The following LRRC40 variants were observed in gnomAD, a reference collection of about 807,000 sequenced individuals.
LRRC40 encodes leucine rich repeat containing 40, also known as leucine-rich repeat-containing protein 40.
LRRC40 carries 76 observed loss-of-function variants against 72.8 expected under a neutral mutation model. That is an observed-to-expected ratio of 1.04 (90% CI 0.87 to 1.26). The LOEUF (loss-of-function observed/expected upper bound fraction) is 1.26, where lower values mean the gene tolerates loss of function less well. Among genes scored for constraint, LRRC40 ranks in the 50% most tolerant of loss-of-function variants. The pLI, the probability that LRRC40 is intolerant of heterozygous loss-of-function variation, is 0.00. For synonymous variants in LRRC40, 243 were observed against 254.2 expected, an observed-to-expected ratio of 0.96 and a Z score of 0.42; for missense variants, 684 against 698.9, an observed-to-expected ratio of 0.98 and a Z score of 0.24.
chr1:70,164,309 G>C (rs1667831038), intron 9 of LRRC40, among the ~76,000 whole-genome samples: 1 of 152,012 alleles, frequency 6.6e-6, no homozygotes, highest in Non-Finnish European at 1.5e-5. Flanking sequence ...AGAATCACTT[G>C]AACCCAGGAG....
At chr1:70,169,040 T>TGAG (rs1372781605) in intron 9 of LRRC40, among the ~76,000 whole-genome samples, 1 of 152,122 alleles carries the variant, frequency 6.6e-6, no homozygotes, top group Non-Finnish European at 1.5e-5. Flanking sequence ...GGAGTCCTGA[T>TGAG]GAGATAAGTA....
chr1:70,160,988 CAG>C (rs756603870), intron 9 of LRRC40, among the ~76,000 whole-genome samples: 8 of 150,354 alleles, frequency 5.3e-5, no homozygotes, highest in Middle Eastern at 3.4e-3. Flanking sequence ...TATAGGTTTC[CAG>C]AGAGAGAGAA....
intron 7 of LRRC40, 49 bp from the exon 8 acceptor site, chr1:70,173,758 C>T: frequency 1.1e-6 from 1 of 891,060 alleles, no homozygotes; most frequent in Non-Finnish European, 1.7e-6. Flanking sequence ...TATAAGTATA[C>T]TCCAACCATA....
At chr1:70,195,131 A>C (rs1366850906) in intron 1 of LRRC40, among the ~76,000 whole-genome samples, 10 of 152,096 alleles carry the variant, frequency 6.6e-5, no homozygotes, top group Non-Finnish European at 1.0e-4. Context: ...CAGAGGAAAA[A>C]ATTTTCACAG....
chr1:70,151,479 T>C (rs1204263182), intron 12 of LRRC40, among the ~76,000 whole-genome samples: 3 of 152,142 alleles, frequency 2.0e-5, no homozygotes, highest in Non-Finnish European at 4.4e-5. Flanking sequence ...GTAAACACTG[T>C]AAACTAATTA....
chr1:70,149,982 G>A (rs1226102465), intron 13 of LRRC40, among the ~76,000 whole-genome samples: 13 of 151,992 alleles, frequency 8.6e-5, no homozygotes, highest in Admixed American at 6.6e-5. Flanking sequence ...GTGCAGTGAC[G>A]CAATCCTGGA....
chr1:70,175,835 C>T lies in LRRC40; in HGVS notation c.952G>A (p.Asp318Asn), dbSNP rs781770071. The change falls in exon 7 of 15, where the codon GAC becomes AAC. Residue 318 changes from aspartate to asparagine, a missense_variant. Asp to Asn is a conservative substitution (Grantham distance 23). Transcript: ENST00000370952. The part of the protein sequence containing the change: ...IILLRSLERL[D>N]LSNNDISSLP... ...CTACTAATATCATTGTTGCTTAGGTCAAGCCTTTCCAAGGACCGTAGTAGT... is the reference window on the plus strand; with the variant it reads ...CTACTAATATCATTGTTGCTTAGGTTAAGCCTTTCCAAGGACCGTAGTAGT... The T allele has an allele frequency of 6.3e-6, 10 of 1,575,770 alleles. No individual in the cohort carries two copies. In the South Asian group the frequency reaches 1.1e-4, roughly 17 times the overall value.
At chr1:70,160,754 A>G (rs1341570494) in intron 9 of LRRC40, among the ~76,000 whole-genome samples, 2 of 152,116 alleles carry the variant, frequency 1.3e-5, no homozygotes, top group African/African-American at 4.8e-5. Flanking sequence ...TGGGGAGAAG[A>G]CTGTTGCGAG....
chr1:70,159,564 A>T, intron 9 of LRRC40, 126 bp from the exon 10 acceptor site: 1 of 438,996 alleles, frequency 2.3e-6, no homozygotes, highest in Non-Finnish European at 4.2e-6. Context: ...CTTTAGTCAT[A>T]TGCTTTATTT....
At chr1:70,157,856 C>T (rs1243019079) in intron 10 of LRRC40, among the ~76,000 whole-genome samples, 2 of 152,014 alleles carry the variant, frequency 1.3e-5, no homozygotes, top group Non-Finnish European at 2.9e-5. Context: ...GTAATCCCAG[C>T]ACTTTGAGAA....
chr1:70,150,986 T>C, intron 13 of LRRC40, 142 bp downstream of exon 13: 1 of 524,390 alleles, frequency 1.9e-6, no homozygotes, highest in Non-Finnish European at 3.4e-6. Flanking sequence ...TTTTTAACTC[T>C]AAGAAGAACT....
chr1:70,169,559 C>T (rs1667958263), intron 9 of LRRC40, among the ~76,000 whole-genome samples: 1 of 151,538 alleles, frequency 6.6e-6, no homozygotes, highest in African/African-American at 2.4e-5. Flanking sequence ...CTAGTGTGGC[C>T]TAGAAAAAAA....
At chr1:70,157,300 A>AT (rs752691230) in intron 10 of LRRC40, among the ~76,000 whole-genome samples, 5 of 152,304 alleles carry the variant, frequency 3.3e-5, no homozygotes, top group Admixed American at 6.5e-5. Flanking sequence ...GAACTGACTC[A>AT]TGCTAGTCAG....
chr1:70,196,387 T>C (rs1037533618), intron 1 of LRRC40, among the ~76,000 whole-genome samples: 5 of 151,830 alleles, frequency 3.3e-5, no homozygotes, highest in Admixed American at 6.6e-5. Context: ...TCGTCTCTAT[T>C]AAAAACAAAA....
chr1:70,183,526 C>T (rs1253732402), intron 4 of LRRC40, among the ~76,000 whole-genome samples: 1 of 151,224 alleles, frequency 6.6e-6, no homozygotes, highest in Non-Finnish European at 1.5e-5. Flanking sequence ...CTCTTTCTTT[C>T]TTCCTTTCTC....
At chr1:70,181,004 G>A (rs556220002) in intron 5 of LRRC40, 82 bp downstream of exon 5, 2 of 1,038,410 alleles carry the variant, frequency 1.9e-6, no homozygotes, top group Admixed American at 3.3e-5. Flanking sequence ...TTAGTTCTCT[G>A]TAACTATATT....
chr1:70,145,842 T>C lies in LRRC40; in HGVS notation c.1767A>G (p.Thr589=). Residue 589 remains threonine, a synonymous_variant, in exon 15 of 15, where the codon ACA becomes ACG. Coordinates refer to ENST00000370952, the MANE Select transcript of LRRC40 (RefSeq NM_017768.5). ...CTCTCAAATATTCAAGTATAGCAGC[T>C]GTTCCTTTCATTAATATGGCTGCTC... The part of the protein sequence containing the change: ...VPRAAILMKG[T]AAILEYLRDR... 3.1e-6 allele frequency: 5 copies of C among 1,610,804 alleles called. No homozygotes were observed. The highest frequency in any genetic ancestry group is 4.2e-6 in the Non-Finnish European group (5 of 1,177,352).
Position 70,191,957 on chromosome 1 carries a change from T to C in LRRC40, c.152-2684A>G, listed in dbSNP as rs1408848781. On this transcript the variant is annotated intron_variant, in intron 1 of 14. Transcript: ENST00000370952. ...AATTGCCTTGGCTCTTTGGACTCTTTTTTGGTTCCACATGAATTTTAAAAT... is the reference window on the plus strand; with the variant it reads ...AATTGCCTTGGCTCTTTGGACTCTTCTTTGGTTCCACATGAATTTTAAAAT... 2.0e-5 allele frequency among the ~76,000 whole-genome samples: 3 copies of C among 152,304 alleles called. No homozygotes were observed. The East Asian group carries it at 5.8e-4, about 29-fold the overall frequency.
chr1:70,149,972 G>A (rs1246207418), intron 13 of LRRC40, among the ~76,000 whole-genome samples: 1 of 152,044 alleles, frequency 6.6e-6, no homozygotes, highest in African/African-American at 2.4e-5. Flanking sequence ...CTAGGCTGGA[G>A]TGCAGTGACG....
Sources: gnomAD v4.1 joint callset for allele counts (sites outside exome capture counted in the v4.1 genomes callset) on GRCh38, gnomAD v4.1.1 for gene constraint, MANE v1.5 for transcripts, NCBI Gene and HGNC (gene_info 2026-07-23, HGNC 2026-07-21) for gene names.